The following SYCE2 variants were observed in gnomAD, a reference collection of about 807,000 sequenced individuals.
The protein encoded by SYCE2 is central element synaptonemal complex 1.
SYCE2 carries 3 observed loss-of-function variants against 27.9 expected under a neutral mutation model. The ratio of observed to expected loss-of-function variants is 0.11; its 90% CI spans 0.05 to 0.28. The LOEUF is 0.28. SYCE2 is among the 10% of genes least tolerant of loss of function. The probability of loss-of-function intolerance (pLI) is 1.00; values close to 1 mark genes in which losing one functional copy is unlikely to be tolerated. For missense variants in SYCE2, 207 were observed against 263.5 expected (o/e 0.79, Z 1.48); for synonymous variants, 85 against 100.7 (o/e 0.84, Z 0.93).
At chr19:12,900,687 A>G (rs758217980) in intron 3 of SYCE2, 39 bp from the exon 4 acceptor site, 1 of 1,571,530 alleles carries the variant, frequency 6.4e-7, no homozygotes, top group African/African-American at 1.4e-5. Flanking sequence ...AAATCAAACA[A>G]GAGGTATCAC....
At position 12,900,011 on chromosome 19, in the gene SYCE2, G is replaced by A. The variant is rs747127884; in HGVS notation, c.605C>T (p.Thr202Ile). 22 of 1,613,302 alleles carry A rather than the reference G, an allele frequency of 1.4e-5. No individual in the cohort carries two copies. Among genetic ancestry groups the A allele is most frequent in the Non-Finnish European group, 1.8e-5 (21 of 1,179,958 alleles). ...DVFVSSVAET[T>I]SQATASEVQT... ...CGGTTTACTGGTAACCACCTGAGAA[G>A]TAGTTTCAGCCACAGAAGAAACGAA... The change falls in exon 5 of 6, where the codon ACT (threonine) becomes ATT (isoleucine). Residue 202 changes from threonine (T) to isoleucine (I), a missense_variant. By Grantham distance (89) the Thr-to-Ile change is moderately conservative. Transcript: ENST00000293695.
chr19:12,918,683 G>T (rs886694615), intron 1 of SYCE2, among the ~76,000 whole-genome samples: 27 of 152,320 alleles, frequency 1.8e-4, no homozygotes, highest in African/African-American at 6.0e-4. Context: ...GCCGGGCGCG[G>T]TGGCTCACGC....
At chr19:12,899,576 C>G (rs1970786241) in intron 5 of SYCE2, 191 bp from the exon 6 acceptor site, 1 of 1,613,994 alleles carries the variant, frequency 6.2e-7, no homozygotes, top group Non-Finnish European at 8.5e-7. Flanking sequence ...TCTCAAGCCC[C>G]TTTCTGGAGA....
chr19:12,908,922 C>T (rs974815641), intron 2 of SYCE2, among the ~76,000 whole-genome samples: 6 of 152,168 alleles, frequency 3.9e-5, no homozygotes, highest in African/African-American at 1.4e-4. Context: ...CTCCTCCCTG[C>T]TGGCCCCTGC....
intron 2 of SYCE2, among the ~76,000 whole-genome samples, chr19:12,916,190 C>A (rs1410724623): frequency 6.6e-6 from 1 of 151,976 alleles, no homozygotes; most frequent in Non-Finnish European, 1.5e-5. Flanking sequence ...CTGCCTCAGG[C>A]TCCGGAGTAG....
chr19:12,911,108 A>T (rs924670081), intron 2 of SYCE2, among the ~76,000 whole-genome samples: 5 of 152,072 alleles, frequency 3.3e-5, no homozygotes, highest in Admixed American at 2.0e-4. Context: ...AATATCTAGG[A>T]CTACAGGCGG....
chr19:12,902,457 A>C (rs1407105072), intron 3 of SYCE2, among the ~76,000 whole-genome samples: 1 of 152,096 alleles, frequency 6.6e-6, no homozygotes, highest in Non-Finnish European at 1.5e-5. Flanking sequence ...GCAAGATCCC[A>C]TCTCTACAAA....
intron 2 of SYCE2, among the ~76,000 whole-genome samples, chr19:12,913,731 T>G (rs552503757): frequency 3.9e-5 from 6 of 152,322 alleles, no homozygotes; most frequent in African/African-American, 1.4e-4. Flanking sequence ...TTGAAGTCTC[T>G]AAATGATTTG....
At chr19:12,912,777 TA>T (rs879686030) in intron 2 of SYCE2, among the ~76,000 whole-genome samples, 702 of 138,984 alleles carry the variant, frequency 5.1e-3, no homozygotes, top group Admixed American at 5.1e-3. Flanking sequence ...AAGCAAACAG[TA>T]AAAAAAAAAA....
rs1196093024 is a variant in SYCE2, at chr19:12,899,009, G to A, written c.*332C>T. 3 of 381,126 alleles carry A rather than the reference G, an allele frequency of 7.9e-6. No individual in the cohort carries two copies. Among genetic ancestry groups the A allele is most frequent in the Non-Finnish European group, 1.5e-5 (3 of 201,716 alleles). 23.6% of individuals were successfully genotyped at this position (381,126 alleles called of 1,614,324 possible). ...TCCCTCCTATCCCTCCCGAGGGTAA[G>A]AAAGGGCTTGCTGTGTTTCCTTGGA... On this transcript the variant is annotated 3_prime_UTR_variant, in exon 6 of 6. Transcript: ENST00000293695.
chr19:12,904,612 AGAG>A lies in SYCE2; in HGVS notation c.183_185del (p.Ser62del), dbSNP rs754848666. On this transcript the variant is annotated inframe_deletion, in exon 3 of 6. Coordinates refer to ENST00000293695, the MANE Select transcript of SYCE2 (RefSeq NM_001105578.2). ...GCAGGATGTCAATGCTTGAGTCCAGAGAGGAGAAGTAGAGTCCCGACTTCCCTT... is the reference window on the plus strand; with the variant it reads ...GCAGGATGTCAATGCTTGAGTCCAGAGAGAAGTAGAGTCCCGACTTCCCTT... 8.7e-6 allele frequency: 14 copies of A among 1,613,904 alleles called. No individual in the cohort carries two copies. Among genetic ancestry groups the A allele is most frequent in the South Asian group, 3.3e-5 (3 of 91,086 alleles).
intron 2 of SYCE2, among the ~76,000 whole-genome samples, chr19:12,916,150 A>T (rs1467459125): frequency 1.3e-5 from 2 of 150,614 alleles, no homozygotes; most frequent in Non-Finnish European, 3.0e-5. Context: ...GCTCACTGCA[A>T]CCTCTGCCTC....
At chr19:12,917,466 G>A (rs1047860449) in intron 2 of SYCE2, among the ~76,000 whole-genome samples, 4 of 151,996 alleles carry the variant, frequency 2.6e-5, no homozygotes, top group Admixed American at 6.6e-5. Flanking sequence ...GGGTTCAAGC[G>A]ATTCTCCTGC....
chr19:12,902,976 A>T, intron 3 of SYCE2, among the ~76,000 whole-genome samples: 1 of 145,208 alleles, frequency 6.9e-6, no homozygotes, highest in Admixed American at 6.9e-5. Context: ...TTTTTTCGAG[A>T]CAGCCAAGAT....
intron 2 of SYCE2, chr19:12,906,267 A>T (rs541095142): frequency 1.3e-5 from 2 of 152,314 alleles, no homozygotes; most frequent in East Asian, 3.9e-4. Context: ...CCTTGCTCCC[A>T]CCAGGTGAGG....
At chr19:12,900,232 A>G in intron 4 of SYCE2, 112 bp from the exon 5 acceptor site, 2 of 1,315,102 alleles carry the variant, frequency 1.5e-6, no homozygotes, top group Non-Finnish European at 2.1e-6. Context: ...CTGTCACCAC[A>G]GAGCTGCTCA....
intron 2 of SYCE2, among the ~76,000 whole-genome samples, chr19:12,915,521 G>C (rs1971121205): frequency 6.7e-6 from 1 of 148,292 alleles, no homozygotes; most frequent in Non-Finnish European, 1.5e-5. Context: ...AGAATTGCTT[G>C]AATCTGGGAG....
At chr19:12,900,160 C>A (rs200424351) in intron 4 of SYCE2, 40 bp from the exon 5 acceptor site, 1 of 1,579,844 alleles carries the variant, frequency 6.3e-7, no homozygotes, top group Non-Finnish European at 8.6e-7. Flanking sequence ...CCGGTCTGTG[C>A]CAGGGCTGTG....
chr19:12,906,265 C>G (rs1443097893), intron 2 of SYCE2: 1 of 152,178 alleles, frequency 6.6e-6, no homozygotes, highest in Non-Finnish European at 1.5e-5. Context: ...CTCCTTGCTC[C>G]CACCAGGTGA....
Sources: gnomAD v4.1 joint callset for allele counts (sites outside exome capture counted in the v4.1 genomes callset) on GRCh38, gnomAD v4.1.1 for gene constraint, MANE v1.5 for transcripts, NCBI Gene and HGNC (gene_info 2026-07-23, HGNC 2026-07-21) for gene names.